Variants in DAG1 observed in about 807,000 individuals in gnomAD.
DAG1 encodes the protein dystroglycan 1 (dystrophin-associated glycoprotein 1).
A neutral mutation model predicts 46.1 loss-of-function variants in DAG1; 8 were observed. The ratio of observed to expected loss-of-function variants is 0.17; its 90% CI spans 0.10 to 0.31. The LOEUF (loss-of-function observed/expected upper bound fraction) is 0.31. DAG1 is among the 10% of genes least tolerant of loss of function. DAG1 has a pLI of 1.00. For synonymous variants in DAG1, 495 were observed against 481.8 expected, an observed-to-expected ratio of 1.03 and a Z score of -0.36; for missense variants, 1,003 against 1,189.9, an observed-to-expected ratio of 0.84 and a Z score of 2.31.
chr3:49,497,036 G>C (rs374872566), intron 1 of DAG1, among the ~76,000 whole-genome samples: 1 of 150,854 alleles, frequency 6.6e-6, no homozygotes, highest in Admixed American at 6.6e-5. Flanking sequence ...GTAGTGGCTT[G>C]TCCCTATAGT....
intron 1 of DAG1, chr3:49,471,189 A>G (rs995287314): frequency 5.9e-5 from 9 of 152,202 alleles, no homozygotes; most frequent in African/African-American, 1.9e-4. Context: ...GGTTGAGGCA[A>G]GAGCCTGGGA....
chr3:49,524,210 G>C (rs576328091), intron 2 of DAG1, among the ~76,000 whole-genome samples: 1 of 152,304 alleles, frequency 6.6e-6, no homozygotes, highest in African/African-American at 2.4e-5. Context: ...GGGGCTCCTA[G>C]TGGAATCCTT....
intron 1 of DAG1, among the ~76,000 whole-genome samples, chr3:49,497,707 C>G (rs753496621): frequency 1.3e-5 from 2 of 152,062 alleles, no homozygotes; most frequent in African/African-American, 2.4e-5. Flanking sequence ...GTATACTGTT[C>G]GGTAATAAAT....
chr3:49,512,693 C>T (rs1430433494), intron 2 of DAG1, among the ~76,000 whole-genome samples: 3 of 148,888 alleles, frequency 2.0e-5, no homozygotes, highest in Admixed American at 6.7e-5. Context: ...TTAGTTTGGG[C>T]GTGATGACTT....
At chr3:49,498,223 C>T (rs1357686466) in intron 1 of DAG1, among the ~76,000 whole-genome samples, 1 of 152,180 alleles carries the variant, frequency 6.6e-6, no homozygotes, top group African/African-American at 2.4e-5. Context: ...ACATTGCCTG[C>T]AGTTTAGGTA....
chr3:49,522,532 T>G (rs1029197428), intron 2 of DAG1, among the ~76,000 whole-genome samples: 2 of 140,426 alleles, frequency 1.4e-5, no homozygotes, highest in African/African-American at 5.3e-5. Context: ...GCTCAACTCC[T>G]GGCCTCAAGT....
chr3:49,505,375 G>T (rs1415134129), intron 1 of DAG1, among the ~76,000 whole-genome samples: 3 of 152,050 alleles, frequency 2.0e-5, no homozygotes, highest in African/African-American at 7.2e-5. Flanking sequence ...ACAGGTGTAT[G>T]CATAGTTTTC....
intron 2 of DAG1, 66 bp from the exon 3 acceptor site, chr3:49,530,730 TG>T: frequency 6.2e-7 from 1 of 1,607,720 alleles, no homozygotes; most frequent in South Asian, 1.1e-5. Flanking sequence ...TCAGGTTAAC[TG>T]TTGTGATCAT....
chr3:49,478,431 C>CAG lies in DAG1; in HGVS notation c.-117+7999_-117+8000insGA, dbSNP rs2049752618. Among the ~76,000 whole-genome samples, 2 of 64,856 alleles carry CAG rather than the reference C, an allele frequency of 3.1e-5. 1 individual carries two copies. Among genetic ancestry groups the CAG allele is most frequent in the Non-Finnish European group, 5.6e-5 (2 of 35,910 alleles). 42.5% of individuals were successfully genotyped at this position (64,856 alleles called of 152,430 possible). ...GCAACAAAGAGAGACCCTGTCTCTA[C>CAG]AAAAAATAAAAAAAAAAAAAAAAAT... On this transcript the variant is annotated intron_variant, in intron 1 of 2. Coordinates refer to ENST00000308775, the MANE Select transcript of DAG1 (RefSeq NM_004393.6).
rs1429545226 is a variant in DAG1, at chr3:49,525,627, G to A, written c.286-5170G>A. Reference sequence around the variant, plus strand: ...GGCTGGAGTGCCGTGGCGTGATCTCGGCTCACTGCAGGCTCCGCCCCCCGG... The same window carrying A: ...GGCTGGAGTGCCGTGGCGTGATCTCAGCTCACTGCAGGCTCCGCCCCCCGG... On this transcript the variant is annotated intron_variant, in intron 2 of 2. Coordinates refer to ENST00000308775, the MANE Select transcript of DAG1 (RefSeq NM_004393.6). 9.9e-5 allele frequency among the ~76,000 whole-genome samples: 15 copies of A among 151,234 alleles called. No individual in the cohort carries two copies. The East Asian group carries it at 2.7e-3, about 27-fold the overall frequency.
intron 1 of DAG1, among the ~76,000 whole-genome samples, chr3:49,475,863 C>T (rs1443950959): frequency 2.0e-5 from 3 of 152,046 alleles, no homozygotes; most frequent in South Asian, 2.1e-4. Flanking sequence ...GCCACCACAC[C>T]TGGCTAATAT....
chr3:49,525,437 A>T (rs2051142233), intron 2 of DAG1, among the ~76,000 whole-genome samples: 1 of 152,224 alleles, frequency 6.6e-6, no homozygotes, highest in African/African-American at 2.4e-5. Flanking sequence ...TACAGGGAAT[A>T]TAGTGGCTTC....
intron 1 of DAG1, among the ~76,000 whole-genome samples, chr3:49,500,333 A>G (rs1575371840): frequency 6.6e-6 from 1 of 152,224 alleles, no homozygotes; most frequent in East Asian, 1.9e-4. Flanking sequence ...ACTTCTGCCC[A>G]TCACTTGAGA....
intron 1 of DAG1, among the ~76,000 whole-genome samples, chr3:49,508,461 C>G (rs1020474568): frequency 6.6e-6 from 1 of 152,036 alleles, no homozygotes; most frequent in Non-Finnish European, 1.5e-5. Flanking sequence ...TGCAGTGGTG[C>G]AGTCTCCGCT....
intron 1 of DAG1, among the ~76,000 whole-genome samples, chr3:49,505,528 T>C (rs1259859800): frequency 6.6e-6 from 1 of 152,230 alleles, no homozygotes; most frequent in Non-Finnish European, 1.5e-5. Context: ...GTTTTTGTGT[T>C]CTGTGACCTT....
intron 1 of DAG1, among the ~76,000 whole-genome samples, chr3:49,500,506 C>G (rs2050420325): frequency 6.6e-6 from 1 of 152,170 alleles, no homozygotes. Flanking sequence ...AGCTTAGACT[C>G]AGTTGTGGGT....
intron 2 of DAG1, 96 bp from the exon 3 acceptor site, chr3:49,530,701 C>T (rs1490571803): frequency 2.5e-6 from 4 of 1,572,510 alleles, no homozygotes; most frequent in South Asian, 2.3e-5. Flanking sequence ...TGAATTATAC[C>T]TTAAACCTGT....
In DAG1 at chr3:49,510,828, G is replaced by A. The variant is rs1469128877; in HGVS notation, c.285+9G>A. ...GTGGAGATATCATCAAGGTGAGACT[G>A]GATATAAAGCATAAATGAGGAAGAG... On this transcript the variant is annotated intron_variant, in intron 2 of 2. Transcript: ENST00000308775. 1 of 1,613,948 alleles carries A rather than the reference G, an allele frequency of 6.2e-7. No homozygotes were observed. The highest frequency in any genetic ancestry group is 2.2e-5 in the East Asian group (1 of 44,878).
chr3:49,475,023 A>G (rs1375819229), intron 1 of DAG1, among the ~76,000 whole-genome samples: 1 of 151,226 alleles, frequency 6.6e-6, no homozygotes, highest in Non-Finnish European at 1.5e-5. Context: ...TGTGTTAACC[A>G]GGATGGTCTC....
Sources: gnomAD v4.1 joint callset for allele counts (sites outside exome capture counted in the v4.1 genomes callset) on GRCh38, gnomAD v4.1.1 for gene constraint, MANE v1.5 for transcripts, NCBI Gene and HGNC (gene_info 2026-07-23, HGNC 2026-07-21) for gene names.